KCNQ1: variants seen among roughly 807,000 people sequenced by gnomAD.
KCNQ1 encodes the protein potassium voltage-gated channel subfamily Q member 1, also known as potassium voltage-gated channel subfamily KQT member 1.
Under a neutral mutation model 72.4 loss-of-function variants are expected in KCNQ1, and 49 were observed. The ratio of observed to expected loss-of-function variants is 0.68; its 90% CI spans 0.54 to 0.86. KCNQ1 has a LOEUF of 0.86. Among genes scored for constraint, KCNQ1 ranks in the 40% least tolerant of loss-of-function variants. KCNQ1 has a pLI of 0.00. For missense variants in KCNQ1, 790 were observed against 945.1 expected, an observed-to-expected ratio of 0.84 and a Z score of 2.15; for synonymous variants, 450 against 412.6, an observed-to-expected ratio of 1.09 and a Z score of -1.10.
intron 6 of KCNQ1, among the ~76,000 whole-genome samples, chr11:2,575,815 G>T (rs186718108): frequency 6.6e-6 from 1 of 152,198 alleles, no homozygotes; most frequent in African/African-American, 2.4e-5. Context: ...CCCTGAGAGG[G>T]TGCTGGAGCT....
chr11:2,549,137 C>A lies in KCNQ1; in HGVS notation c.477+21119C>A, dbSNP rs1005245078. ...AGGGGGCAGGCTGAGATCTGAGAAG[C>A]CAGGCTAGGGGGTTGTGGAGCAAAT... is the stretch of plus-strand genomic sequence containing the variant. On this transcript the variant is annotated intron_variant, in intron 2 of 15. Transcript: ENST00000155840. This position sits in a 1 kb window ranked among gnomAD's most constrained non-coding sequence, Gnocchi z 6.2. Among the ~76,000 whole-genome samples, 39 of 152,104 alleles carry A rather than the reference C, an allele frequency of 2.6e-4. 1 individual carries two copies. The highest frequency in any genetic ancestry group is 6.5e-4 in the Admixed American group (10 of 15,280).
chr11:2,801,089 G>T (rs1010914553), intron 15 of KCNQ1, among the ~76,000 whole-genome samples: 3 of 152,162 alleles, frequency 2.0e-5, no homozygotes, highest in Admixed American at 6.5e-5. Flanking sequence ...TGGCTCCTGG[G>T]GTGCTGGTGG....
chr11:2,738,083 G>A (rs1031221362), intron 11 of KCNQ1, among the ~76,000 whole-genome samples: 2 of 152,190 alleles, frequency 1.3e-5, no homozygotes, highest in Non-Finnish European at 2.9e-5. Context: ...GGCCCCAGGA[G>A]CCTGGGCCTG....
At chr11:2,811,946 T>C (rs1264196785) in intron 15 of KCNQ1, among the ~76,000 whole-genome samples, 2 of 152,154 alleles carry the variant, frequency 1.3e-5, no homozygotes, top group Non-Finnish European at 2.9e-5. Context: ...AGGGGCATGC[T>C]CAGGCCCTGC....
intron 15 of KCNQ1, among the ~76,000 whole-genome samples, chr11:2,837,676 C>A (rs1810325470): frequency 6.6e-6 from 1 of 152,064 alleles, no homozygotes. Flanking sequence ...AGGGAGGGGG[C>A]CTCACCAAGG....
chr11:2,572,146 G>C, intron 5 of KCNQ1, 37 bp downstream of exon 5: 1 of 1,509,380 alleles, frequency 6.6e-7, no homozygotes, highest in Non-Finnish European at 9.2e-7. Flanking sequence ...GGCCCAGGTT[G>C]GGGACAGGAC....
Position 2,613,588 on chromosome 11 carries a change from T to C in KCNQ1, c.1393+24734T>C. On this transcript the variant is annotated intron_variant, in intron 10 of 15. Transcript: ENST00000155840. The surrounding 1 kb of genome is among the most constrained non-coding windows in gnomAD (Gnocchi z 4.8). ...TTAATATTTTTTCTTTAATTAGCAC[T>C]TTTCAATTTTATATTTCTTTGTCCA... 7.5e-6 allele frequency: 3 copies of C among 398,592 alleles called. No individual in the cohort carries two copies. The East Asian group carries it at 1.1e-4, about 14-fold the overall frequency. 24.7% of individuals were successfully genotyped at this position (398,592 alleles called of 1,614,324 possible).
chr11:2,845,970 G>A (rs1848317420), intron 15 of KCNQ1, among the ~76,000 whole-genome samples: 1 of 152,170 alleles, frequency 6.6e-6, no homozygotes, highest in Non-Finnish European at 1.5e-5. Context: ...GCTGGCCCGG[G>A]TCCACCCAGA....
In KCNQ1 at chr11:2,491,591, G is replaced by A. The variant is rs2133627339; in HGVS notation, c.387-36337G>A. ...CATGATCTAGAAAATAGCCTCAAAA[G>A]GGCAAATCTAAGATTTATTGACCTT... On this transcript the variant is annotated intron_variant, in intron 1 of 15. Transcript: ENST00000155840. The surrounding 1 kb of genome is among the most constrained non-coding windows in gnomAD (Gnocchi z 4.1). 6.6e-6 allele frequency among the ~76,000 whole-genome samples: 1 copy of A among 152,204 alleles called. No homozygotes were observed. Among genetic ancestry groups the A allele is most frequent in the African/African-American group, 2.4e-5 (1 of 41,528 alleles).
rs565376931 is a variant in KCNQ1, at chr11:2,734,004, A to G, written c.1515-34840A>G. Among the ~76,000 whole-genome samples the G allele has an allele frequency of 1.3e-5, 2 of 151,878 alleles. No homozygotes were observed. The highest frequency in any genetic ancestry group is 3.9e-4 in the East Asian group (2 of 5,146). On this transcript the variant is annotated intron_variant, in intron 11 of 15. Transcript: ENST00000155840. The surrounding 1 kb of genome is among the most constrained non-coding windows in gnomAD (Gnocchi z 7.0). ...CACGCTTCCCCTGAACATCCTCCTC[A>G]GAGCAGTTGCGCGCTCTAAATCAGG...
At chr11:2,793,686 C>A (rs1367730946) in intron 15 of KCNQ1, among the ~76,000 whole-genome samples, 2 of 151,964 alleles carry the variant, frequency 1.3e-5, no homozygotes, top group Non-Finnish European at 2.9e-5. Flanking sequence ...ATGGAGGGAC[C>A]AGAAGTCACA....
chr11:2,753,051 G>A (rs1846250457), intron 11 of KCNQ1, among the ~76,000 whole-genome samples: 1 of 152,210 alleles, frequency 6.6e-6, no homozygotes, highest in Non-Finnish European at 1.5e-5. Flanking sequence ...TGTCATGTGT[G>A]ATGCATCAAC....
chr11:2,491,945 A>G lies in KCNQ1; in HGVS notation c.387-35983A>G, dbSNP rs59773972. Among the ~76,000 whole-genome samples, 426 of 152,328 alleles carry G rather than the reference A, an allele frequency of 2.8e-3. 2 individuals carry two copies. The highest frequency in any genetic ancestry group is 9.9e-3 in the African/African-American group (412 of 41,554). On this transcript the variant is annotated intron_variant, in intron 1 of 15. Transcript: ENST00000155840. This position sits in a 1 kb window ranked among gnomAD's most constrained non-coding sequence, Gnocchi z 4.1. ...TTAAGGTGCTGAAGGAAAAAAAAGA[A>G]AAAAACTTTTGCTCTAGAATAGTAT...
chr11:2,572,106 C>T lies in KCNQ1; in HGVS notation c.777C>T (p.Arg259=), dbSNP rs1438923096. Residue 259 remains arginine (R), a synonymous_variant, in exon 5 of 16, where the codon CGC becomes CGT. Transcript: ENST00000155840. ...RLLGSVVFIH[R]QELITTLYIG... is the part of the protein sequence containing the mutation. Reference sequence around the variant, plus strand: ...TGGGCTCCGTGGTCTTCATCCACCGCCAGGTGGGTGGCCCGGGTTAGGGGT... The same window carrying T: ...TGGGCTCCGTGGTCTTCATCCACCGTCAGGTGGGTGGCCCGGGTTAGGGGT... The T allele has an allele frequency of 6.2e-7, 1 of 1,610,388 alleles. No homozygotes were observed. The highest frequency in any genetic ancestry group is 2.2e-5 in the East Asian group (1 of 44,848).
At chr11:2,719,249 G>C (rs920548683) in intron 11 of KCNQ1, among the ~76,000 whole-genome samples, 1 of 151,686 alleles carries the variant, frequency 6.6e-6, no homozygotes, top group African/African-American at 2.4e-5. Context: ...CATTATCACA[G>C]GCTGGTGCCT....
intron 1 of KCNQ1, among the ~76,000 whole-genome samples, chr11:2,520,793 CTT>C (rs374894643): frequency 6.7e-6 from 1 of 149,544 alleles, no homozygotes; most frequent in Non-Finnish European, 1.5e-5. Context: ...CCCAGGATGA[CTT>C]TTTTTTTTAA....
intron 11 of KCNQ1, chr11:2,696,263 G>A (rs1850674326): frequency 2.5e-6 from 1 of 398,484 alleles, no homozygotes; most frequent in South Asian, 1.3e-4. Context: ...CAAATATTTA[G>A]TCCATTTGGA....
In KCNQ1 at chr11:2,677,044, G is replaced by C. The variant is rs1850306181; in HGVS notation, c.1514+14963G>C. 1 of 398,516 alleles carries C rather than the reference G, an allele frequency of 2.5e-6. No homozygotes were observed. 24.7% of individuals were successfully genotyped at this position (398,516 alleles called of 1,614,324 possible). On this transcript the variant is annotated intron_variant, in intron 11 of 15. Coordinates refer to ENST00000155840, the MANE Select transcript of KCNQ1 (RefSeq NM_000218.3). This position sits in a 1 kb window ranked among gnomAD's most constrained non-coding sequence, Gnocchi z 4.5. Reference sequence around the variant, plus strand: ...AGATCCTCTGTTGATGGATATGTAGGGCAGCTAAAAAACAGCAGCCATTAA... The same window carrying C: ...AGATCCTCTGTTGATGGATATGTAGCGCAGCTAAAAAACAGCAGCCATTAA...
At chr11:2,469,618 C>G (rs956092999) in intron 1 of KCNQ1, among the ~76,000 whole-genome samples, 6 of 151,982 alleles carry the variant, frequency 3.9e-5, no homozygotes, top group Middle Eastern at 3.2e-3. Context: ...CTATCAGATA[C>G]CTGCTCTGTG....
Sources: gnomAD v4.1 joint callset for allele counts (sites outside exome capture counted in the v4.1 genomes callset) on GRCh38, gnomAD v4.1.1 for gene constraint, Gnocchi (gnomAD v3.1) non-coding constraint, MANE v1.5 for transcripts, NCBI Gene and HGNC (gene_info 2026-07-23, HGNC 2026-07-21) for gene names.